ABHD12: variants seen among roughly 807,000 people sequenced by gnomAD.
The protein encoded by ABHD12 is lysophosphatidylserine lipase ABHD12.
Under a neutral mutation model 58.3 loss-of-function variants are expected in ABHD12, and 43 were observed. That is an observed-to-expected ratio of 0.74 (90% CI 0.58 to 0.95). The LOEUF (loss-of-function observed/expected upper bound fraction) is 0.95, where lower values mean the gene tolerates loss of function less well. Among genes scored for constraint, ABHD12 ranks in the 40% least tolerant of loss-of-function variants. The pLI is 0.00. For synonymous variants in ABHD12, 219 were observed against 211.2 expected (o/e 1.04, Z -0.32); for missense variants, 539 against 537.2 (o/e 1.00, Z -0.03).
rs202050409 is a variant in ABHD12 at position 25,308,520 on chromosome 20, T to C, written c.750-26A>G. On this transcript the variant is annotated intron_variant, in intron 7 of 12. Transcript: ENST00000339157. The stretch of plus-strand genomic sequence containing the variant: ...CTAGGAAAAAAGAAAAACAGCTTAG[T>C]TGAGTTATGATAAAATTGTTTGAGA... The C allele has an allele frequency of 4.4e-5, 71 of 1,599,978 alleles. No homozygotes were observed. In the East Asian group the frequency reaches 9.9e-4, roughly 22 times the overall value.
At position 25,294,917 on chromosome 20, in the gene ABHD12, GTTAGTT is replaced by G. The variant is rs16436; in HGVS notation, c.*50_*55del. 808,406 of 1,598,252 alleles carry G rather than the reference GTTAGTT, an allele frequency of 0.51. 210,487 individuals are homozygous for G. Among genetic ancestry groups the G allele is most frequent in the East Asian group, 0.92 (41,204 of 44,736 alleles). The stretch of plus-strand genomic sequence containing the variant: ...GCCCTCCACTTTCAGCTGCCTTTGG[GTTAGTT>G]TTAGTTTTGTCTGCTGCTCTTCGAT... On this transcript the variant is annotated 3_prime_UTR_variant, in exon 13 of 13. Coordinates refer to the ABHD12 transcript ENST00000376542.
intron 2 of ABHD12, among the ~76,000 whole-genome samples, chr20:25,329,683 C>T (rs1181658670): frequency 6.6e-6 from 1 of 152,156 alleles, no homozygotes; most frequent in Admixed American, 6.5e-5. Flanking sequence ...AGGGTCTGAA[C>T]AGGGGGCTAA....
At chr20:25,326,128 G>GGGAGA (rs2089172955) in intron 2 of ABHD12, among the ~76,000 whole-genome samples, 1 of 147,204 alleles carries the variant, frequency 6.8e-6, no homozygotes, top group Non-Finnish European at 1.5e-5. Flanking sequence ...GGGAGGGGAG[G>GGGAGA]GAAGGGAAGG....
chr20:25,298,640 C>T (rs896637333), downstream of ABHD12, among the ~76,000 whole-genome samples: 4 of 152,234 alleles, frequency 2.6e-5, no homozygotes, highest in Non-Finnish European at 5.9e-5. Context: ...AACACACACA[C>T]CTTTCTGGTG....
chr20:25,329,683 CA>C (rs1471684814), intron 2 of ABHD12, among the ~76,000 whole-genome samples: 1 of 152,156 alleles, frequency 6.6e-6, no homozygotes, highest in African/African-American at 2.4e-5. Context: ...AGGGTCTGAA[CA>C]GGGGGCTAAG....
At chr20:25,368,629 C>A in intron 1 of ABHD12, 1 of 1,374,010 alleles carries the variant, frequency 7.3e-7, no homozygotes, top group South Asian at 1.2e-5. Flanking sequence ...ACCCTTAAAA[C>A]CAAATCCTTT....
chr20:25,364,136 G>T (rs768464419), intron 1 of ABHD12, among the ~76,000 whole-genome samples: 15 of 152,140 alleles, frequency 9.9e-5, no homozygotes, highest in Non-Finnish European at 1.9e-4. Flanking sequence ...TCCGGGTCAA[G>T]GCCATACTAA....
intron 1 of ABHD12, among the ~76,000 whole-genome samples, chr20:25,346,729 C>T (rs2089523914): frequency 7.0e-6 from 1 of 143,760 alleles, no homozygotes; most frequent in Non-Finnish European, 1.5e-5. Flanking sequence ...ACTGTAAGCT[C>T]TGCCTCCTGG....
chr20:25,348,125 G>A (rs1372819967), intron 1 of ABHD12, among the ~76,000 whole-genome samples: 3 of 151,216 alleles, frequency 2.0e-5, no homozygotes, highest in East Asian at 2.0e-4. Context: ...CAGGAGAATC[G>A]CTTGAATCTG....
At chr20:25,389,468 G>A (rs2090139914) in intron 1 of ABHD12, among the ~76,000 whole-genome samples, 1 of 152,144 alleles carries the variant, frequency 6.6e-6, no homozygotes, top group Non-Finnish European at 1.5e-5. Context: ...CAAAAAAGAA[G>A]TGCCTCTGCT....
At chr20:25,390,483 C>CCCCCCCCCCCCCCCCCCCAA in intron 1 of ABHD12, 30 bp downstream of exon 1, 1 of 1,026,652 alleles carries the variant, frequency 9.7e-7, no homozygotes. Flanking sequence ...ACCGGCCCCC[C>CCCCCCCCCCCCCCCCCCCAA]CCCCCCCCCC....
At position 25,300,245 on chromosome 20, in the gene ABHD12, G is replaced by A; in HGVS notation, c.*600C>T. ...CACCACGATTTTATTCTTAAATAAA[G>A]CTCAGTCTAAGGCCAGGTTAGGTGT... On this transcript the variant is annotated 3_prime_UTR_variant, in exon 13 of 13. Coordinates refer to ENST00000339157, the MANE Select transcript of ABHD12 (RefSeq NM_001042472.3). 2.0e-6 allele frequency: 2 copies of A among 1,000,312 alleles called. No individual in the cohort carries two copies. The highest frequency in any genetic ancestry group is 2.4e-6 in the Non-Finnish European group (2 of 838,020). 62.0% of individuals were successfully genotyped at this position (1,000,312 alleles called of 1,614,324 possible).
At chr20:25,357,233 GC>G (rs2089680970) in intron 1 of ABHD12, among the ~76,000 whole-genome samples, 1 of 152,124 alleles carries the variant, frequency 6.6e-6, no homozygotes, top group Admixed American at 6.5e-5. Flanking sequence ...CAAATCTTCT[GC>G]CTCCTCCAAA....
At chr20:25,335,972 A>AG (rs1272636140) in intron 2 of ABHD12, among the ~76,000 whole-genome samples, 1 of 149,660 alleles carries the variant, frequency 6.7e-6, no homozygotes, top group African/African-American at 2.6e-5. Flanking sequence ...ATAAATAAAA[A>AG]AAAAACAAAA....
At chr20:25,360,650 G>A (rs1025506271) in intron 1 of ABHD12, among the ~76,000 whole-genome samples, 5 of 152,166 alleles carry the variant, frequency 3.3e-5, no homozygotes, top group Admixed American at 6.5e-5. Flanking sequence ...AACCATAGTG[G>A]TCAGAATGAG....
chr20:25,300,869 C>G lies in ABHD12; in HGVS notation c.1173G>C (p.Lys391Asn). Residue 391 changes from lysine (K) to asparagine (N), a missense_variant, in exon 13 of 13, where the codon AAG becomes AAC. By Grantham distance (94) the Lys-to-Asn change is moderately conservative (BLOSUM62 0). Transcript: ENST00000339157. Reference sequence around the variant, plus strand: ...CTCAGTGCTGGTGCTCAGGCTCCGACTTCCCCAGGAATTCCCTAGACCACA... The same window carrying G: ...CTCAGTGCTGGTGCTCAGGCTCCGAGTTCCCCAGGAATTCCCTAGACCACA... Reference protein sequence around the residue: ...LPRILREFLGKSEPEHQH With the variant: ...LPRILREFLGNSEPEHQH 1 of 1,614,062 alleles carries G rather than the reference C, an allele frequency of 6.2e-7. No homozygotes were observed. The highest frequency in any genetic ancestry group is 8.5e-7 in the Non-Finnish European group (1 of 1,179,964).
chr20:25,309,344 G>A (rs372979041), intron 7 of ABHD12, 102 bp downstream of exon 7: 1 of 1,563,784 alleles, frequency 6.4e-7, no homozygotes, highest in African/African-American at 1.4e-5. Context: ...GACTAATGGT[G>A]CCACAGGGTT....
rs954202792 is a variant in ABHD12 at position 25,336,863 on chromosome 20, G to C, written c.316+2364C>G. 2.6e-5 allele frequency among the ~76,000 whole-genome samples: 4 copies of C among 152,182 alleles called. No individual in the cohort carries two copies. The South Asian group carries it at 6.2e-4, about 24-fold the overall frequency. On this transcript the variant is annotated intron_variant, in intron 2 of 12. Coordinates refer to ENST00000339157, the MANE Select transcript of ABHD12 (RefSeq NM_001042472.3). ...GAGGCAGGAGGAGTGGGGTGTGGGG[G>C]CCAGGCAGATGCCCAGGGGGGTGAG...
At chr20:25,354,179 C>T (rs918518265) in intron 1 of ABHD12, among the ~76,000 whole-genome samples, 10 of 152,196 alleles carry the variant, frequency 6.6e-5, no homozygotes, top group African/African-American at 2.4e-4. Flanking sequence ...AATAAATCAA[C>T]TAAGTTGAAT....
Sources: allele counts gnomAD v4.1 joint callset (sites outside exome capture counted in the v4.1 genomes callset), GRCh38; gene constraint gnomAD v4.1.1; transcripts MANE v1.5; gene names NCBI Gene and HGNC (gene_info 2026-07-23, HGNC 2026-07-21).